Variants in IL1RAPL2 observed in about 807,000 individuals in gnomAD.
IL1RAPL2 encodes X-linked interleukin-1 receptor accessory protein-like 2.
Under a neutral mutation model 44.1 loss-of-function variants are expected in IL1RAPL2, and 3 were observed. The observed-to-expected ratio is 0.07, with a 90% confidence interval of 0.03 to 0.18. The LOEUF (loss-of-function observed/expected upper bound fraction) is 0.18, where lower values mean the gene tolerates loss of function less well. IL1RAPL2 is among the 10% of genes least tolerant of loss of function. IL1RAPL2 has a pLI of 1.00. For synonymous variants in IL1RAPL2, 181 were observed against 178.8 expected, an observed-to-expected ratio of 1.01 and a Z score of -0.10; for missense variants, 391 against 496.4, an observed-to-expected ratio of 0.79 and a Z score of 2.02.
chrX:104,614,535 G>A (rs1289877156), intron 1 of IL1RAPL2, among the ~76,000 whole-genome samples: 1 of 111,644 alleles, frequency 9.0e-6, no homozygotes, highest in Non-Finnish European at 1.9e-5. Context: ...TGCCTATGAG[G>A]TCCAACTGAT....
intron 1 of IL1RAPL2, among the ~76,000 whole-genome samples, chrX:104,587,301 T>TA (rs1928580249): frequency 8.9e-6 from 1 of 112,129 alleles, no homozygotes; most frequent in South Asian, 3.7e-4. Context: ...ATTTGTCTTC[T>TA]GCAACCACCA....
At chrX:105,299,580 C>T (rs1603053186) in intron 5 of IL1RAPL2, among the ~76,000 whole-genome samples, 1 of 111,316 alleles carries the variant, frequency 9.0e-6, no homozygotes. Context: ...GTTTGAAAAA[C>T]ATCTTAAGCC....
At chrX:105,440,481 C>T (rs1017088888) in intron 5 of IL1RAPL2, among the ~76,000 whole-genome samples, 1 of 111,736 alleles carries the variant, frequency 8.9e-6, no homozygotes, top group Non-Finnish European at 1.9e-5. Context: ...GTTGCTCATC[C>T]TTCAGAGATG....
chrX:104,627,498 C>A (rs1396914221), intron 1 of IL1RAPL2, among the ~76,000 whole-genome samples: 2 of 82,998 alleles, frequency 2.4e-5, no homozygotes, highest in Admixed American at 2.4e-4. Flanking sequence ...TAAAATAAAT[C>A]AATCTATGTT....
intron 4 of IL1RAPL2, among the ~76,000 whole-genome samples, chrX:105,237,382 A>G (rs1280772017): frequency 8.9e-6 from 1 of 111,840 alleles, no homozygotes; most frequent in African/African-American, 3.3e-5. Flanking sequence ...GCTGGGTCAA[A>G]TGGTATTTCT....
chrX:104,731,159 T>G (rs1170914903), intron 2 of IL1RAPL2, among the ~76,000 whole-genome samples: 16 of 110,357 alleles, frequency 1.4e-4, no homozygotes, highest in South Asian at 3.9e-4. Context: ...TTTCTCCCAT[T>G]TTGTAGGTTG....
At chrX:105,457,414 T>TC (rs1020646987) in intron 5 of IL1RAPL2, among the ~76,000 whole-genome samples, 1 of 110,025 alleles carries the variant, frequency 9.1e-6, no homozygotes, top group African/African-American at 3.3e-5. Context: ...AATTTTCCAT[T>TC]CCCCCTCAGC....
intron 1 of IL1RAPL2, among the ~76,000 whole-genome samples, chrX:104,578,078 G>C (rs1928276335): frequency 9.0e-6 from 1 of 111,525 alleles, no homozygotes; most frequent in South Asian, 3.9e-4. Context: ...TTTGTCCACT[G>C]AGAGGGCCAG....
intron 2 of IL1RAPL2, among the ~76,000 whole-genome samples, chrX:104,780,516 G>A (rs1054594012): frequency 5.4e-5 from 6 of 112,102 alleles, no homozygotes; most frequent in Non-Finnish European, 7.5e-5. Context: ...GGGCTGCCAC[G>A]TTCCAACAGG....
At chrX:104,900,567 G>T (rs1923784134) in intron 2 of IL1RAPL2, among the ~76,000 whole-genome samples, 1 of 111,626 alleles carries the variant, frequency 9.0e-6, no homozygotes. Context: ...GTCAGCTGGA[G>T]GTTAGCTGAC....
rs35503754 is a variant in IL1RAPL2 at position 104,848,409 on chromosome X, GTATATATATATATATATATA to G, written c.82+189437_82+189456del. Among the ~76,000 whole-genome samples the G allele has an allele frequency of 2.4e-3, 153 of 64,858 alleles. 2 individuals are homozygous for G. Among genetic ancestry groups the G allele is most frequent in the African/African-American group, 6.4e-3 (101 of 15,816 alleles). The allele number at this position is 64,858 out of a possible 115,157, so 56.3% of individuals were successfully genotyped here. A position where few individuals can be genotyped will look rare whatever the true frequency, so the allele number is the denominator to read the frequency against. ...CAAATTTTTAAAAAGATTTTTATCT[GTATATATATATATATATATA>G]TATATATATATATATATATATAACT... is the stretch of plus-strand genomic sequence containing the variant. On this transcript the variant is annotated intron_variant, in intron 2 of 10. Transcript: ENST00000372582.
chrX:104,978,356 G>T (rs1214753731), intron 2 of IL1RAPL2, among the ~76,000 whole-genome samples: 1 of 111,597 alleles, frequency 9.0e-6, no homozygotes. Context: ...AGTTGGTTAT[G>T]TCTCATGGGT....
rs2037873549 is a variant in IL1RAPL2, at chrX:105,676,397, G to T, written c.773-40970G>T. ...CAATTTCTCCTTGATTGGTTAGCTG[G>T]AAGGCAGGAGAGCTTTTCAGTCTCC... On this transcript the variant is annotated intron_variant, in intron 6 of 10. Transcript: ENST00000372582. Among the ~76,000 whole-genome samples the T allele has an allele frequency of 3.6e-5, 4 of 111,339 alleles. No homozygotes were observed. The Admixed American group carries it at 3.8e-4, about 11-fold the overall frequency.
chrX:105,294,851 GTCAGT>G (rs1343357694), intron 5 of IL1RAPL2, among the ~76,000 whole-genome samples: 2 of 111,745 alleles, frequency 1.8e-5, no homozygotes, highest in Non-Finnish European at 3.8e-5. Context: ...AAGGTGTAGA[GTCAGT>G]ACTGTTATTC....
chrX:105,235,653 G>A (rs2034114068), intron 4 of IL1RAPL2, among the ~76,000 whole-genome samples: 1 of 111,996 alleles, frequency 8.9e-6, no homozygotes, highest in Admixed American at 9.5e-5. Flanking sequence ...AGATAAAAAG[G>A]AACATAATGT....
chrX:104,930,826 A>G lies in IL1RAPL2; in HGVS notation c.83-264649A>G, dbSNP rs146568387. ...TCTTCAGCCCTTGAAGACAGGTGAC[A>G]TTATTTTTCTTTTACAGATGAAGAA... On this transcript the variant is annotated intron_variant, in intron 2 of 10. Transcript: ENST00000372582. Among the ~76,000 whole-genome samples the G allele has an allele frequency of 6.3e-3, 699 of 111,808 alleles. 3 individuals carry two copies. Among genetic ancestry groups the G allele is most frequent in the African/African-American group, 0.022 (666 of 30,813 alleles).
At chrX:104,861,270 T>A (rs1922486663) in intron 2 of IL1RAPL2, among the ~76,000 whole-genome samples, 1 of 111,525 alleles carries the variant, frequency 9.0e-6, no homozygotes, top group Non-Finnish European at 1.9e-5. Flanking sequence ...TCTTTAACAA[T>A]CCAATTATTT....
rs748255846 is a variant in IL1RAPL2 at position 105,115,920 on chromosome X, G to T, written c.83-79555G>T. Among the ~76,000 whole-genome samples, 24 of 113,337 alleles carry T rather than the reference G, an allele frequency of 2.1e-4. No individual in the cohort carries two copies. In the South Asian group the frequency reaches 8.6e-3, roughly 41 times the overall value. The stretch of plus-strand genomic sequence containing the variant: ...CCCGCAGAGAGGCAGCTAAGGCCTG[G>T]CGAGAAATCAAGCACAGCAGCTGCT... On this transcript the variant is annotated intron_variant, in intron 2 of 10. Transcript: ENST00000372582.
intron 2 of IL1RAPL2, among the ~76,000 whole-genome samples, chrX:105,096,952 A>C (rs767293384): frequency 2.7e-5 from 3 of 111,629 alleles, no homozygotes; most frequent in African/African-American, 9.8e-5. Flanking sequence ...ACAAAAATCT[A>C]TCACTTGCCC....
Sources: gnomAD v4.1 joint callset for allele counts (sites outside exome capture counted in the v4.1 genomes callset) on GRCh38, gnomAD v4.1.1 for gene constraint, MANE v1.5 for transcripts, NCBI Gene and HGNC (gene_info 2026-07-23, HGNC 2026-07-21) for gene names.